DYSF: variants seen among roughly 807,000 people sequenced by gnomAD.
DYSF encodes dysferlin.
Under a neutral mutation model 274.9 loss-of-function variants are expected in DYSF, and 212 were observed. That is an observed-to-expected ratio of 0.77 (90% CI 0.69 to 0.86). The LOEUF is 0.86. Ranked by LOEUF, DYSF falls within the 40% of genes least tolerant of loss-of-function variation. DYSF has a pLI of 0.00. For synonymous variants in DYSF, 1,091 were observed against 1,078.7 expected, an observed-to-expected ratio of 1.01 and a Z score of -0.22; for missense variants, 2,666 against 2,783.2, an observed-to-expected ratio of 0.96 and a Z score of 0.95.
intron 30 of DYSF, among the ~76,000 whole-genome samples, chr2:71,578,546 G>A (rs1202856808): frequency 6.6e-6 from 1 of 152,210 alleles, no homozygotes; most frequent in African/African-American, 2.4e-5. Flanking sequence ...TCTTTGAAGT[G>A]TTGGAGGTAG....
chr2:71,635,764 AAG>A (rs1553397520), intron 41 of DYSF, among the ~76,000 whole-genome samples: 2,956 of 120,482 alleles, frequency 0.025, 119 homozygotes, highest in African/African-American at 0.074. Flanking sequence ...AAAAAAAAAA[AAG>A]AAAGAAAAAA....
At chr2:71,472,596 C>CG (rs1223394886) in intron 1 of DYSF, among the ~76,000 whole-genome samples, 1 of 152,054 alleles carries the variant, frequency 6.6e-6, no homozygotes, top group Non-Finnish European at 1.5e-5. Context: ...TTAGTAGAGA[C>CG]GGGGTTTCAC....
intron 29 of DYSF, among the ~76,000 whole-genome samples, chr2:71,573,735 G>A (rs1049310034): frequency 3.9e-5 from 6 of 152,308 alleles, no homozygotes; most frequent in African/African-American, 9.6e-5. Flanking sequence ...TCGTCACTGC[G>A]TCAGCCTACC....
At chr2:71,524,603 T>A (rs1217634522) in intron 12 of DYSF, among the ~76,000 whole-genome samples, 1 of 152,198 alleles carries the variant, frequency 6.6e-6, no homozygotes, top group Non-Finnish European at 1.5e-5. Context: ...CAGGCAACTG[T>A]CCAAGGAGTT....
chr2:71,520,826 C>G lies in DYSF; in HGVS notation c.1071C>G (p.Asp357Glu). 15 of 1,614,080 alleles carry G rather than the reference C, an allele frequency of 9.3e-6. No individual in the cohort carries two copies. The highest frequency in any genetic ancestry group is 1.3e-5 in the Non-Finnish European group (15 of 1,180,012). ...AYLRKWLLLS[D>E]PDDFSAGARG... ...TCAGGAAGTGGCTGCTGCTCTCAGA[C>G]CCTGATGACTTCTCTGCTGGGGCCA... is the stretch of plus-strand genomic sequence containing the variant. The change falls in exon 12 of 56, where the codon GAC (aspartate) becomes GAG (glutamate). Residue 357 changes from aspartate (D) to glutamate (E), a missense_variant. This residue lies in a region of DYSF where 794 missense variants were observed against 777.1 expected (regional missense o/e 1.02). Coordinates refer to ENST00000410020, the MANE Select transcript of DYSF (RefSeq NM_001130987.2).
At chr2:71,571,821 ACACATCACACCCAGCACATG>A (rs2092486113) in intron 29 of DYSF, among the ~76,000 whole-genome samples, 7 of 142,352 alleles carry the variant, frequency 4.9e-5, no homozygotes, top group African/African-American at 1.8e-4. Context: ...CCCAGCACAC[ACACATCACACCCAGCACATG>A]CACAGATCAC....
chr2:71,589,039 C>A (rs1438399606), intron 30 of DYSF, among the ~76,000 whole-genome samples: 1 of 152,182 alleles, frequency 6.6e-6, no homozygotes, highest in Non-Finnish European at 1.5e-5. Context: ...GCTTGGCTTC[C>A]GAGCCTGACT....
intron 12 of DYSF, among the ~76,000 whole-genome samples, chr2:71,522,194 A>C (rs1480115536): frequency 3.2e-4 from 41 of 127,846 alleles, no homozygotes; most frequent in Admixed American, 6.8e-4. Flanking sequence ...ATTTCTCCCC[A>C]CCCCTCCTCT....
intron 1 of DYSF, among the ~76,000 whole-genome samples, chr2:71,472,373 A>G (rs1266389656): frequency 6.6e-6 from 1 of 152,212 alleles, no homozygotes; most frequent in Non-Finnish European, 1.5e-5. Flanking sequence ...AATCCTGCTA[A>G]CACACAGCAT....
chr2:71,575,495 C>G (rs6708516), intron 30 of DYSF, among the ~76,000 whole-genome samples: 101,792 of 151,966 alleles, frequency 0.67, 35,001 homozygotes, highest in East Asian at 0.85. Context: ...CGGCCAGGGT[C>G]GGGCAGGATA....
intron 30 of DYSF, among the ~76,000 whole-genome samples, chr2:71,583,213 C>G (rs551398887): frequency 6.6e-6 from 1 of 152,166 alleles, no homozygotes; most frequent in Non-Finnish European, 1.5e-5. Context: ...AATCTGCTCT[C>G]GTGAACCACA....
chr2:71,548,897 C>T (rs931915603), intron 17 of DYSF, among the ~76,000 whole-genome samples: 3 of 152,240 alleles, frequency 2.0e-5, no homozygotes, highest in Admixed American at 6.5e-5. Flanking sequence ...TGCCTGCGGG[C>T]TTGGAGTGTG....
At chr2:71,548,949 C>T (rs1216320750) in intron 17 of DYSF, among the ~76,000 whole-genome samples, 1 of 152,216 alleles carries the variant, frequency 6.6e-6, no homozygotes, top group Admixed American at 6.5e-5. Flanking sequence ...TTGTGTCTCC[C>T]CACCCTCCCG....
At chr2:71,572,402 G>C (rs1176395107) in intron 29 of DYSF, among the ~76,000 whole-genome samples, 1 of 152,102 alleles carries the variant, frequency 6.6e-6, no homozygotes, top group Non-Finnish European at 1.5e-5. Context: ...GACACACTCA[G>C]ATGCCCATGA....
chr2:71,646,746 A>C (rs192731370), intron 42 of DYSF, among the ~76,000 whole-genome samples: 23 of 152,330 alleles, frequency 1.5e-4, no homozygotes, highest in African/African-American at 5.0e-4. Flanking sequence ...GTTCCTAATT[A>C]ATAAAAATGG....
intron 45 of DYSF, among the ~76,000 whole-genome samples, chr2:71,661,627 A>G (rs892377818): frequency 1.3e-5 from 2 of 152,218 alleles, no homozygotes; most frequent in Non-Finnish European, 2.9e-5. Flanking sequence ...AGTAATTCCT[A>G]GGCATCCTGA....
intron 13 of DYSF, among the ~76,000 whole-genome samples, chr2:71,527,877 C>G (rs974052723): frequency 6.6e-6 from 1 of 152,072 alleles, no homozygotes; most frequent in South Asian, 2.1e-4. Flanking sequence ...ACAGAATTGA[C>G]TTCTTGGTTA....
chr2:71,455,756 G>C (rs530022423), intron 1 of DYSF, among the ~76,000 whole-genome samples: 1 of 152,242 alleles, frequency 6.6e-6, no homozygotes, highest in South Asian at 2.1e-4. Flanking sequence ...GGGGGCTGGT[G>C]CTCCAAATGT....
At chr2:71,599,957 G>A (rs936489588) in intron 33 of DYSF, among the ~76,000 whole-genome samples, 1 of 152,214 alleles carries the variant, frequency 6.6e-6, no homozygotes, top group Non-Finnish European at 1.5e-5. Context: ...TGGAGGAAGA[G>A]TCCATGTGGG....
Sources: allele counts gnomAD v4.1 joint callset (sites outside exome capture counted in the v4.1 genomes callset), GRCh38; gene constraint gnomAD v4.1.1; regional missense constraint gnomAD v4.1.1; transcripts MANE v1.5; gene names NCBI Gene and HGNC (gene_info 2026-07-23, HGNC 2026-07-21).